Variants in ADAR observed in about 807,000 individuals in gnomAD.
ADAR encodes the protein double-stranded RNA-specific adenosine deaminase.
A neutral mutation model predicts 113.2 loss-of-function variants in ADAR; 41 were observed. That is an observed-to-expected ratio of 0.36 (90% CI 0.28 to 0.47). The LOEUF (loss-of-function observed/expected upper bound fraction) is 0.47. ADAR is among the 20% of genes least tolerant of loss of function. ADAR has a pLI of 1.00. For synonymous variants in ADAR, 605 were observed against 572.6 expected (o/e 1.06, Z -0.81); for missense variants, 1,242 against 1,540.9 (o/e 0.81, Z 3.25).
chr1:154,619,728 A>G (rs962243), intron 1 of ADAR, among the ~76,000 whole-genome samples: 151,797 of 152,328 alleles, frequency 1, 75,635 homozygotes, highest in Non-Finnish European at 1. Flanking sequence ...TAGAACATGT[A>G]ATAAAACCAC....
At chr1:154,620,483 A>G (rs1698760798) in intron 1 of ADAR, among the ~76,000 whole-genome samples, 1 of 152,258 alleles carries the variant, frequency 6.6e-6, no homozygotes, top group Non-Finnish European at 1.5e-5. Context: ...CAGGAAAAAA[A>G]ACTGTTCATA....
intron 1 of ADAR, 33 bp from the exon 2 acceptor site, chr1:154,602,659 A>G: frequency 6.2e-7 from 1 of 1,610,136 alleles, no homozygotes. Context: ...AAGAAAATGA[A>G]TTAGGGCTGC....
intron 6 of ADAR, 32 bp from the exon 7 acceptor site, chr1:154,590,441 G>A: frequency 6.2e-7 from 1 of 1,601,186 alleles, no homozygotes; most frequent in Non-Finnish European, 8.6e-7. Flanking sequence ...ATGAAGACAA[G>A]TGCCAGACCC....
At chr1:154,606,935 T>TAAAAA (rs3058643) in intron 1 of ADAR, among the ~76,000 whole-genome samples, 357 of 32,616 alleles carry the variant, frequency 0.011, no homozygotes, top group Middle Eastern at 0.047. Context: ...AAGGAGTGCT[T>TAAAAA]AAAAAAAAAA....
Position 154,601,514 on chromosome 1 carries a change from A to G in ADAR, c.1128T>C (p.Ala376=), listed in dbSNP as rs1210865928. The change falls in exon 2 of 15, where the codon GCT becomes GCC. Residue 376 remains alanine, a synonymous_variant. Transcript: ENST00000368474. The surrounding 1 kb of genome is among the most constrained non-coding windows in gnomAD (Gnocchi z 4.7). ...TTTTGGTCTCAGGGATTGCAGCTGG[A>G]GCGGTTTCAGGAACACTGTTCGTAT... The part of the protein sequence containing the change: ...KRNTNSVPET[A]PAAIPETKRN... 3 of 1,613,856 alleles carry G rather than the reference A, an allele frequency of 1.9e-6. No homozygotes were observed. The highest frequency in any genetic ancestry group is 2.5e-6 in the Non-Finnish European group (3 of 1,180,010).
rs1557887436 is a variant in ADAR at position 154,601,801 on chromosome 1, T to C, written c.841A>G (p.Ser281Gly). The C allele has an allele frequency of 6.2e-7, 1 of 1,614,244 alleles. No individual in the cohort carries two copies. Among genetic ancestry groups the C allele is most frequent in the Non-Finnish European group, 8.5e-7 (1 of 1,180,038 alleles). ...TCTTCCAAGGCAGATGTGGAGTTGC[T>C]GTCTTCAGGTTCCAAACCTGGGTCT... is the stretch of plus-strand genomic sequence containing the variant. ...NSDPGLEPED[S>G]NSTSALEDPL... Residue 281 changes from serine (S) to glycine (G), a missense_variant, in exon 2 of 15, where the codon AGC (serine) becomes GGC (glycine). Transcript: ENST00000368474. The surrounding 1 kb of genome is among the most constrained non-coding windows in gnomAD (Gnocchi z 4.7).
chr1:154,625,683 A>T (rs1159390015), intron 1 of ADAR, among the ~76,000 whole-genome samples: 1 of 152,122 alleles, frequency 6.6e-6, no homozygotes, highest in Non-Finnish European at 1.5e-5. Flanking sequence ...ACATGGTGAA[A>T]CCCCATCTCT....
intron 1 of ADAR, among the ~76,000 whole-genome samples, chr1:154,615,451 C>T (rs1216766115): frequency 2.6e-5 from 4 of 152,170 alleles, no homozygotes; most frequent in Non-Finnish European, 4.4e-5. Flanking sequence ...TCTCTGTCAC[C>T]CAGGCCAGAG....
At chr1:154,600,985 C>A in intron 2 of ADAR, 56 bp downstream of exon 2, 1 of 1,611,362 alleles carries the variant, frequency 6.2e-7, no homozygotes, top group South Asian at 1.1e-5. Flanking sequence ...AAGACTGCGT[C>A]AGGAGCAAAA....
intron 7 of ADAR, 49 bp downstream of exon 7, chr1:154,590,135 A>AGGCGGGGGGGGGGGG: frequency 8.3e-6 from 10 of 1,204,998 alleles, no homozygotes; most frequent in East Asian, 2.5e-5. Context: ...CTTAGGAGTT[A>AGGCGGGGGGGGGGGG]GGAGGACCCC....
Position 154,618,216 on chromosome 1 carries a change from A to G in ADAR, c.-871+9639T>C, listed in dbSNP as rs2101693582. 1.3e-5 allele frequency among the ~76,000 whole-genome samples: 2 copies of G among 151,886 alleles called. 1 individual carries two copies. Among genetic ancestry groups the G allele is most frequent in the Admixed American group, 1.3e-4 (2 of 15,270 alleles). On this transcript the variant is annotated intron_variant, in intron 1 of 14. Transcript: ENST00000368471. ...CAAATAAAACATTAAATTAAAAAAAAGAAGTATCTAGGACTAACCCTAAGA... is the reference window on the plus strand; with the variant it reads ...CAAATAAAACATTAAATTAAAAAAAGGAAGTATCTAGGACTAACCCTAAGA...
chr1:154,588,815 A>C (rs2101579854), intron 9 of ADAR, 142 bp from the exon 10 acceptor site: 2 of 1,193,974 alleles, frequency 1.7e-6, no homozygotes, highest in Non-Finnish European at 2.4e-6. Flanking sequence ...GAAATTCTCC[A>C]GGGGAGACCT....
chr1:154,588,064 T>TG (rs1393713276), intron 11 of ADAR, 61 bp downstream of exon 11: 6 of 1,608,004 alleles, frequency 3.7e-6, no homozygotes, highest in Middle Eastern at 2.1e-4. Flanking sequence ...TGTAGAGACT[T>TG]GGGGTCCCTG....
chr1:154,616,136 G>T (rs1030859077), intron 1 of ADAR, among the ~76,000 whole-genome samples: 2 of 152,200 alleles, frequency 1.3e-5, no homozygotes, highest in African/African-American at 4.8e-5. Context: ...ATACAGATAA[G>T]GTTCTCATTC....
upstream of ADAR, among the ~76,000 whole-genome samples, chr1:154,612,323 T>G (rs925141834): frequency 8.0e-6 from 1 of 125,744 alleles, no homozygotes; most frequent in Admixed American, 7.9e-5. Flanking sequence ...ACTCAGTTTT[T>G]TTTTTTTTTT....
intron 1 of ADAR, among the ~76,000 whole-genome samples, chr1:154,607,232 C>A (rs1177161467): frequency 2.6e-5 from 4 of 152,102 alleles, no homozygotes; most frequent in Non-Finnish European, 5.9e-5. Flanking sequence ...TTGAGTCTGG[C>A]TTCTCGTGCT....
At chr1:154,587,437 G>A (rs775408386) in intron 11 of ADAR, among the ~76,000 whole-genome samples, 35 of 152,246 alleles carry the variant, frequency 2.3e-4, no homozygotes, top group Middle Eastern at 3.4e-3. Flanking sequence ...TGGCTCTTGT[G>A]AGTAATGCTG....
intron 9 of ADAR, 111 bp from the exon 10 acceptor site, chr1:154,588,784 C>A: frequency 3.4e-6 from 5 of 1,467,980 alleles, no homozygotes; most frequent in Non-Finnish European, 4.7e-6. Context: ...ATGTTGCAGA[C>A]GTTTCACAGT....
intron 3 of ADAR, among the ~76,000 whole-genome samples, 188 bp from the exon 4 acceptor site, chr1:154,598,164 T>C (rs1024869442): frequency 6.6e-6 from 1 of 152,148 alleles, no homozygotes; most frequent in Non-Finnish European, 1.5e-5. Flanking sequence ...CTCAATAAAC[T>C]TTCAGGTCTC....
Sources: gnomAD v4.1 joint callset for allele counts (sites outside exome capture counted in the v4.1 genomes callset) on GRCh38, gnomAD v4.1.1 for gene constraint, Gnocchi (gnomAD v3.1) non-coding constraint, MANE v1.5 for transcripts, NCBI Gene and HGNC (gene_info 2026-07-23, HGNC 2026-07-21) for gene names.